Variants in DPP10 observed in about 807,000 individuals in gnomAD.
The protein encoded by DPP10 is dipeptidyl peptidase like 10.
A neutral mutation model predicts 120.9 loss-of-function variants in DPP10; 33 were observed. The observed-to-expected ratio is 0.27, with a 90% CI of 0.21 to 0.37. The LOEUF (loss-of-function observed/expected upper bound fraction) is 0.37, where lower values mean the gene tolerates loss of function less well. Among genes scored for constraint, DPP10 ranks in the 10% least tolerant of loss-of-function variants. DPP10 has a pLI of 1.00. For synonymous variants in DPP10, 337 were observed against 326.1 expected, an observed-to-expected ratio of 1.03 and a Z score of -0.36; for missense variants, 816 against 942.8, an observed-to-expected ratio of 0.87 and a Z score of 1.76.
chr2:114,502,468 T>G (rs540013384), intron 1 of DPP10, among the ~76,000 whole-genome samples: 2 of 152,324 alleles, frequency 1.3e-5, no homozygotes, highest in Admixed American at 1.3e-4. Context: ...TATTTAAAAT[T>G]TAAAAAATCA....
chr2:115,019,598 T>A (rs1702921407), intron 1 of DPP10, among the ~76,000 whole-genome samples: 1 of 152,134 alleles, frequency 6.6e-6, no homozygotes, highest in Admixed American at 6.6e-5. Context: ...TCTTTGAGGG[T>A]ATAATTGAGG....
At chr2:114,873,250 A>G (rs369333570) in intron 1 of DPP10, among the ~76,000 whole-genome samples, 2 of 152,156 alleles carry the variant, frequency 1.3e-5, no homozygotes, top group African/African-American at 4.8e-5. Flanking sequence ...AAGGTGGCAC[A>G]TGTTCCTCTT....
At chr2:115,394,396 G>C (rs745805503) in intron 3 of DPP10, among the ~76,000 whole-genome samples, 1 of 148,090 alleles carries the variant, frequency 6.8e-6, no homozygotes, top group Non-Finnish European at 1.5e-5. Flanking sequence ...GAGAATGTGA[G>C]AGATGTTAAA....
At chr2:115,558,129 C>T (rs560385898) in intron 5 of DPP10, among the ~76,000 whole-genome samples, 2 of 152,114 alleles carry the variant, frequency 1.3e-5, no homozygotes, top group Non-Finnish European at 2.9e-5. Context: ...TCCTATTTCA[C>T]CCTGAAAACA....
chr2:115,827,414 GTATATATATATATATATA>G (rs70941101), intron 21 of DPP10, among the ~76,000 whole-genome samples: 1 of 75,452 alleles, frequency 1.3e-5, no homozygotes, highest in Non-Finnish European at 2.5e-5. Context: ...ATGTGTGTGT[GTATATATATATATATATA>G]TATATATATA....
chr2:114,676,481 G>A (rs760815157), intron 1 of DPP10, among the ~76,000 whole-genome samples: 11 of 151,978 alleles, frequency 7.2e-5, no homozygotes, highest in African/African-American at 2.4e-4. Flanking sequence ...TTGGCACATC[G>A]GTGTGTGATA....
chr2:114,935,819 A>G (rs1013719162), intron 1 of DPP10, among the ~76,000 whole-genome samples: 3 of 151,992 alleles, frequency 2.0e-5, no homozygotes, highest in Admixed American at 2.0e-4. Context: ...CGAAGAAGCA[A>G]GTTTGGGAAC....
chr2:115,598,182 A>G (rs2083100805), intron 5 of DPP10, among the ~76,000 whole-genome samples: 1 of 151,438 alleles, frequency 6.6e-6, no homozygotes, highest in African/African-American at 2.4e-5. Flanking sequence ...TTGGGGTCTT[A>G]TGGGCCTTTT....
chr2:115,288,653 A>G, intron 1 of DPP10, among the ~76,000 whole-genome samples: 1 of 151,862 alleles, frequency 6.6e-6, no homozygotes, highest in East Asian at 1.9e-4. Context: ...GACCCAGGAA[A>G]CGAGGTTGCA....
At chr2:114,544,963 T>C (rs1687260220) in intron 1 of DPP10, among the ~76,000 whole-genome samples, 1 of 152,032 alleles carries the variant, frequency 6.6e-6, no homozygotes, top group Non-Finnish European at 1.5e-5. Flanking sequence ...GAGATTCTCC[T>C]GCCTCAGCCT....
chr2:114,826,979 GC>G (rs1166233029), intron 1 of DPP10, among the ~76,000 whole-genome samples: 3 of 152,132 alleles, frequency 2.0e-5, no homozygotes, highest in African/African-American at 7.2e-5. Flanking sequence ...GCCATTCATT[GC>G]CCCTGGGTAT....
At chr2:115,375,575 T>A (rs1453932481) in intron 3 of DPP10, among the ~76,000 whole-genome samples, 2 of 152,196 alleles carry the variant, frequency 1.3e-5, no homozygotes, top group African/African-American at 4.8e-5. Flanking sequence ...TTTATAGCAG[T>A]CTCCCACTCT....
intron 3 of DPP10, 28 bp downstream of exon 3, chr2:115,343,940 A>G: frequency 1.3e-6 from 2 of 1,537,640 alleles, no homozygotes; most frequent in Non-Finnish European, 8.8e-7. Flanking sequence ...TAAACATTGT[A>G]TTCATTTTGA....
chr2:115,063,947 T>C (rs1706629632), intron 1 of DPP10, among the ~76,000 whole-genome samples: 1 of 152,206 alleles, frequency 6.6e-6, no homozygotes, highest in South Asian at 2.1e-4. Flanking sequence ...GCTTGTCTCA[T>C]TCATCTTTTT....
At chr2:114,839,713 C>T (rs995291212) in intron 1 of DPP10, among the ~76,000 whole-genome samples, 5 of 152,034 alleles carry the variant, frequency 3.3e-5, no homozygotes, top group African/African-American at 1.2e-4. Flanking sequence ...ATTCTTTTCT[C>T]TTTGTACTTA....
At chr2:115,416,023 G>A (rs1232917394) in intron 3 of DPP10, among the ~76,000 whole-genome samples, 2 of 151,564 alleles carry the variant, frequency 1.3e-5, no homozygotes, top group East Asian at 1.9e-4. Flanking sequence ...AAATTTGAAA[G>A]CAAAACAGTA....
chr2:115,122,652 TG>T (rs2049883444), intron 1 of DPP10, among the ~76,000 whole-genome samples: 1 of 152,182 alleles, frequency 6.6e-6, no homozygotes, highest in Non-Finnish European at 1.5e-5. Flanking sequence ...AATAACAAAC[TG>T]GGAATGTGGT....
intron 2 of DPP10, among the ~76,000 whole-genome samples, chr2:115,335,540 A>G (rs1366239389): frequency 6.6e-6 from 1 of 152,042 alleles, no homozygotes; most frequent in African/African-American, 2.4e-5. Flanking sequence ...CAGATATTTT[A>G]AAAAGAAAAT....
intron 3 of DPP10, chr2:115,469,087 G>A (rs1024862658): frequency 2.3e-5 from 4 of 170,894 alleles, no homozygotes; most frequent in South Asian, 2.8e-4. Flanking sequence ...CACCATGCCC[G>A]GCTAATTTTT....
Sources: gnomAD v4.1 joint callset for allele counts (sites outside exome capture counted in the v4.1 genomes callset) on GRCh38, gnomAD v4.1.1 for gene constraint, MANE v1.5 for transcripts, NCBI Gene and HGNC (gene_info 2026-07-23, HGNC 2026-07-21) for gene names.